YES1: variants seen among roughly 807,000 people sequenced by gnomAD.
YES1 encodes tyrosine-protein kinase Yes.
YES1 carries 39 observed loss-of-function variants against 70.4 expected under a neutral mutation model. The ratio of observed to expected loss-of-function variants is 0.55; its 90% CI spans 0.43 to 0.72. The LOEUF (loss-of-function observed/expected upper bound fraction) is 0.72, where lower values mean the gene tolerates loss of function less well. Ranked by LOEUF, YES1 falls within the 30% of genes least tolerant of loss-of-function variation. The pLI is 0.00. For missense variants in YES1, 495 were observed against 644.8 expected (o/e 0.77, Z 2.52); for synonymous variants, 198 against 218.6 (o/e 0.91, Z 0.83).
In YES1 at chr18:768,239, G is replaced by T. The variant is rs7226492; in HGVS notation, c.-8-11404C>A. Among the ~76,000 whole-genome samples the T allele has an allele frequency of 4.7e-3, 714 of 152,236 alleles. 6 individuals are homozygous for T. The highest frequency in any genetic ancestry group is 0.016 in the African/African-American group (674 of 41,534). Reference sequence around the variant, plus strand: ...AAGACCTGCCAAACCATGCATGAGGGTCTTTGCATTTCCATACAAATTTTA... The same window carrying T: ...AAGACCTGCCAAACCATGCATGAGGTTCTTTGCATTTCCATACAAATTTTA... On this transcript the variant is annotated intron_variant, in intron 1 of 11. Coordinates refer to ENST00000314574, the MANE Select transcript of YES1 (RefSeq NM_005433.4).
rs1172169729 is a variant in YES1, at chr18:768,905, G to A, written c.-8-12070C>T. On this transcript the variant is annotated intron_variant, in intron 1 of 11. Coordinates refer to ENST00000314574, the MANE Select transcript of YES1 (RefSeq NM_005433.4). ...TTTAGTAGAGACAGGGTTTCCCCAT[G>A]TTGGCTGGGCTGGTCTTGAACTCCT... Among the ~76,000 whole-genome samples, 6 of 152,156 alleles carry A rather than the reference G, an allele frequency of 3.9e-5. No homozygotes were observed. The East Asian group carries it at 1.2e-3, about 29-fold the overall frequency.
chr18:806,588 T>C (rs1272933182), intron 1 of YES1, among the ~76,000 whole-genome samples: 3 of 152,204 alleles, frequency 2.0e-5, no homozygotes, highest in East Asian at 1.9e-4. Flanking sequence ...TTAGTATTTA[T>C]TGTGCTAAGG....
intron 1 of YES1, among the ~76,000 whole-genome samples, chr18:759,440 C>G (rs1904461766): frequency 6.6e-6 from 1 of 152,196 alleles, no homozygotes; most frequent in Admixed American, 6.5e-5. Flanking sequence ...GCACTCCAGC[C>G]TGGGCGACAA....
At chr18:742,011 T>G (rs987763926) in intron 8 of YES1, among the ~76,000 whole-genome samples, 2 of 152,128 alleles carry the variant, frequency 1.3e-5, no homozygotes. Flanking sequence ...ATGTAACTTG[T>G]AGTTGTCCTT....
At chr18:732,350 G>T (rs2145677120) in intron 11 of YES1, among the ~76,000 whole-genome samples, 1 of 143,026 alleles carries the variant, frequency 7.0e-6, no homozygotes, top group South Asian at 2.3e-4. Context: ...TGAGGCAGGA[G>T]AATTGCTTGA....
chr18:806,238 C>T (rs1907090074), intron 1 of YES1, among the ~76,000 whole-genome samples: 2 of 152,154 alleles, frequency 1.3e-5, no homozygotes. Context: ...ACTTTCTTCA[C>T]TAAAATAGTA....
At chr18:787,738 T>C (rs1906038812) in intron 1 of YES1, among the ~76,000 whole-genome samples, 1 of 152,164 alleles carries the variant, frequency 6.6e-6, no homozygotes, top group African/African-American at 2.4e-5. Flanking sequence ...TGTTGAATTA[T>C]CAATTCTTTT....
intron 2 of YES1, among the ~76,000 whole-genome samples, chr18:753,868 T>C (rs961519096): frequency 6.6e-6 from 1 of 152,210 alleles, no homozygotes; most frequent in Non-Finnish European, 1.5e-5. Context: ...AACCTATATT[T>C]ACATACCCAA....
intron 1 of YES1, among the ~76,000 whole-genome samples, chr18:807,258 T>C (rs968989855): frequency 6.7e-5 from 10 of 149,096 alleles, no homozygotes; most frequent in African/African-American, 2.5e-4. Flanking sequence ...CACTTGAACC[T>C]GGGAGGCAGA....
intron 6 of YES1, among the ~76,000 whole-genome samples, chr18:744,198 C>G (rs1012112122): frequency 6.6e-6 from 1 of 151,776 alleles, no homozygotes; most frequent in South Asian, 2.1e-4. Context: ...TAAGGCCCTG[C>G]AGTTAGTAAA....
chr18:795,934 C>CACACACACACACACACACAT (rs1472991039), intron 1 of YES1, among the ~76,000 whole-genome samples: 1 of 151,996 alleles, frequency 6.6e-6, no homozygotes, highest in African/African-American at 2.4e-5. Flanking sequence ...CACACACACA[C>CACACACACACACACACACAT]ACACACACAC....
chr18:792,164 T>C (rs1336646868), intron 1 of YES1, among the ~76,000 whole-genome samples: 1 of 151,898 alleles, frequency 6.6e-6, no homozygotes, highest in African/African-American at 2.4e-5. Context: ...TTTAGCCAAG[T>C]GTGGTGGTGC....
In YES1 at chr18:723,394, C is replaced by CAT. The variant is rs56342716; in HGVS notation, c.*1029_*1030insAT. 93,999 of 152,182 alleles carry CAT rather than the reference C, an allele frequency of 0.62. 29,892 individuals carry two copies. The highest frequency in any genetic ancestry group is 0.79 in the African/African-American group (32,564 of 41,392). The allele number at this position is 152,182 out of a possible 1,614,324, so 9.4% of individuals were successfully genotyped here. A position where few individuals can be genotyped will look rare whatever the true frequency, so the allele number is the denominator to read the frequency against. On this transcript the variant is annotated 3_prime_UTR_variant, in exon 12 of 12. Transcript: ENST00000314574. ...ATCCCTCTAACTTGTAAAACTTTCA[C>CAT]TTTCTTTTCTCGTATTTCTTTTAAA...
intron 1 of YES1, among the ~76,000 whole-genome samples, chr18:768,112 A>G (rs1904993338): frequency 6.6e-6 from 1 of 152,102 alleles, no homozygotes; most frequent in East Asian, 1.9e-4. Context: ...CAACTACTCA[A>G]CTCTGCTGGT....
chr18:741,246 T>C (rs1004747518), intron 8 of YES1, among the ~76,000 whole-genome samples: 8 of 151,978 alleles, frequency 5.3e-5, no homozygotes, highest in Middle Eastern at 3.4e-3. Flanking sequence ...TTTCTCCTTT[T>C]TTTTTTTTTC....
intron 11 of YES1, 122 bp downstream of exon 11, chr18:732,712 G>A (rs2080106819): frequency 7.8e-7 from 1 of 1,279,694 alleles, no homozygotes; most frequent in Non-Finnish European, 1.1e-6. Context: ...AGTGGGGAGA[G>A]GGAGAGGCAG....
chr18:758,649 G>A (rs1904415105), intron 1 of YES1, among the ~76,000 whole-genome samples: 2 of 152,022 alleles, frequency 1.3e-5, no homozygotes, highest in African/African-American at 4.8e-5. Context: ...CTTATAATCA[G>A]TAAAATATCT....
At chr18:791,694 T>C (rs1460930442) in intron 1 of YES1, among the ~76,000 whole-genome samples, 1 of 152,204 alleles carries the variant, frequency 6.6e-6, no homozygotes, top group Non-Finnish European at 1.5e-5. Flanking sequence ...ATATCAAAAA[T>C]GTTATCAACA....
chr18:778,942 G>C (rs1471652984), intron 1 of YES1, among the ~76,000 whole-genome samples: 2 of 152,072 alleles, frequency 1.3e-5, no homozygotes, highest in Non-Finnish European at 2.9e-5. Flanking sequence ...GATCTTGCAG[G>C]GGTCGGTAAT....
Sources: allele counts gnomAD v4.1 joint callset (sites outside exome capture counted in the v4.1 genomes callset), GRCh38; gene constraint gnomAD v4.1.1; transcripts MANE v1.5; gene names NCBI Gene and HGNC (gene_info 2026-07-23, HGNC 2026-07-21).